VGLL3: variants seen among roughly 807,000 people sequenced by gnomAD.
VGLL3 encodes the protein vestigial like family member 3, also known as transcription cofactor vestigial-like protein 3.
Under a neutral mutation model 29.2 loss-of-function variants are expected in VGLL3, and 18 were observed. The observed-to-expected ratio is 0.62, with a 90% CI of 0.43 to 0.91. The LOEUF (loss-of-function observed/expected upper bound fraction) is 0.91. Among genes scored for constraint, VGLL3 ranks in the 40% least tolerant of loss-of-function variants. VGLL3 has a pLI of 0.00. For synonymous variants in VGLL3, 180 were observed against 151.8 expected (o/e 1.19, Z -1.36); for missense variants, 440 against 413.2 (o/e 1.06, Z -0.56).
rs1482284355 is a variant in VGLL3 at position 86,944,802 on chromosome 3, C to T, written c.*2222G>A. The T allele has an allele frequency of 6.6e-6, 1 of 152,182 alleles. No individual in the cohort carries two copies. Among genetic ancestry groups the T allele is most frequent in the Non-Finnish European group, 1.5e-5 (1 of 68,026 alleles). The allele number at this position is 152,182 out of a possible 1,614,324, so 9.4% of individuals were successfully genotyped here. ...TTTCCTCTTCATTGGGAAAATCCAA[C>T]TGAATGATCTGAATGAGTTTAACAC... is the stretch of plus-strand genomic sequence containing the variant. On this transcript the variant is annotated 3_prime_UTR_variant, in exon 4 of 4. Coordinates refer to ENST00000398399, the MANE Select transcript of VGLL3 (RefSeq NM_016206.4).
At chr3:86,962,219 T>C in intron 3 of VGLL3, 1 of 985,390 alleles carries the variant, frequency 1.0e-6, no homozygotes, top group Non-Finnish European at 1.2e-6. Flanking sequence ...ACCATACTGA[T>C]CATTTCAAGG....
rs747568996 is a variant in VGLL3 at position 86,968,837 on chromosome 3, G to T, written c.690C>A (p.His230Gln). Residue 230 changes from histidine to glutamine, a missense_variant, in exon 3 of 4, where the codon CAC (histidine) becomes CAA (glutamine). Physicochemically the swap from His to Gln is conservative, Grantham distance 24. Transcript: ENST00000398399. Reference sequence around the variant, plus strand: ...GGTGGTGCATGTGGGCATGAGGGTGGTGGTGCCGCATGTACACGTCATGCA... The same window carrying T: ...GGTGGTGCATGTGGGCATGAGGGTGTTGGTGCCGCATGTACACGTCATGCA... ...SHMHDVYMRH[H>Q]HPHAHMHHRH... 1 of 1,614,052 alleles carries T rather than the reference G, an allele frequency of 6.2e-7. No individual in the cohort carries two copies. The highest frequency in any genetic ancestry group is 1.3e-5 in the African/African-American group (1 of 74,924).
intron 1 of VGLL3, among the ~76,000 whole-genome samples, chr3:86,987,671 T>C (rs576313712): frequency 1.6e-4 from 25 of 152,268 alleles, no homozygotes; most frequent in African/African-American, 5.8e-4. Context: ...AACCCCACTG[T>C]AGGATTTATA....
At chr3:86,957,604 G>A (rs1415193823) in intron 3 of VGLL3, among the ~76,000 whole-genome samples, 1 of 152,120 alleles carries the variant, frequency 6.6e-6, no homozygotes, top group East Asian at 1.9e-4. Context: ...CTTACTCAAC[G>A]TAATGCAGCT....
In VGLL3 at chr3:86,940,582, A is replaced by G. The variant is rs1414996720; in HGVS notation, c.*6442T>C. ...AAGGAGGAAACAAAAAGAGCTTTAAATTCTCAAGAAATGCAGACCAAATCC... is the reference window on the plus strand; with the variant it reads ...AAGGAGGAAACAAAAAGAGCTTTAAGTTCTCAAGAAATGCAGACCAAATCC... On this transcript the variant is annotated 3_prime_UTR_variant, in exon 4 of 4. Coordinates refer to ENST00000398399, the MANE Select transcript of VGLL3 (RefSeq NM_016206.4). 1.3e-5 allele frequency: 2 copies of G among 152,550 alleles called. No individual in the cohort carries two copies. Among genetic ancestry groups the G allele is most frequent in the Non-Finnish European group, 2.9e-5 (2 of 67,968 alleles). The allele number at this position is 152,550 out of a possible 1,614,324, so 9.4% of individuals were successfully genotyped here.
In VGLL3 at chr3:86,945,822, TTG is replaced by T. The variant is rs1480813846; in HGVS notation, c.*1200_*1201del. ...GATTTAAACAAACAAAAAAAGAGAC[TTG>T]TTAAGTTCTGTGTTGAAACTATTAT... is the stretch of plus-strand genomic sequence containing the variant. On this transcript the variant is annotated 3_prime_UTR_variant, in exon 4 of 4. Coordinates refer to ENST00000398399, the MANE Select transcript of VGLL3 (RefSeq NM_016206.4). The T allele has an allele frequency of 6.6e-6, 1 of 152,132 alleles. No homozygotes were observed. Among genetic ancestry groups the T allele is most frequent in the African/African-American group, 2.4e-5 (1 of 41,442 alleles). 9.4% of individuals were successfully genotyped at this position (152,132 alleles called of 1,614,324 possible). A position where few individuals can be genotyped will look rare whatever the true frequency, so the allele number is the denominator to read the frequency against.
chr3:86,947,144 C>T, intron 3 of VGLL3, 77 bp from the exon 4 acceptor site: 2 of 769,300 alleles, frequency 2.6e-6, no homozygotes, highest in Non-Finnish European at 4.9e-6. Flanking sequence ...ATCTGCAATA[C>T]ATTGGATATA....
chr3:86,984,465 CAA>C (rs377671634), intron 1 of VGLL3, among the ~76,000 whole-genome samples: 33 of 152,098 alleles, frequency 2.2e-4, no homozygotes, highest in Admixed American at 2.0e-3. Flanking sequence ...TGATGATGTT[CAA>C]AAAAATGTGC....
At chr3:86,990,398 C>A (rs971264046) in intron 1 of VGLL3, 1 of 984,962 alleles carries the variant, frequency 1.0e-6, no homozygotes, top group South Asian at 4.7e-5. Context: ...GTGACCACAG[C>A]TCAATGAAGC....
chr3:86,990,563 T>C, intron 1 of VGLL3, 55 bp downstream of exon 1: 1 of 1,311,922 alleles, frequency 7.6e-7, no homozygotes, highest in South Asian at 3.1e-5. Flanking sequence ...CCCAGACCGA[T>C]ACTCTCGATG....
chr3:86,969,174 G>A, intron 2 of VGLL3, 51 bp from the exon 3 acceptor site: 2 of 1,514,164 alleles, frequency 1.3e-6, no homozygotes, highest in Non-Finnish European at 1.8e-6. Context: ...TCAGTTTTGG[G>A]ATAGACTTGC....
chr3:86,940,427 A>G lies in VGLL3; in HGVS notation c.*6597T>C, dbSNP rs1354620997. Reference sequence around the variant, plus strand: ...ACCCCATTTCATTTTCTTTTCCATTATAAACATGTATTTTATAATCTATTC... The same window carrying G: ...ACCCCATTTCATTTTCTTTTCCATTGTAAACATGTATTTTATAATCTATTC... On this transcript the variant is annotated 3_prime_UTR_variant, in exon 4 of 4. Transcript: ENST00000398399. 3 of 152,624 alleles carry G rather than the reference A, an allele frequency of 2.0e-5. No individual in the cohort carries two copies. Among genetic ancestry groups the G allele is most frequent in the African/African-American group, 7.2e-5 (3 of 41,458 alleles). The allele number at this position is 152,624 out of a possible 1,614,324, so 9.5% of individuals were successfully genotyped here.
Position 86,939,620 on chromosome 3 carries a change from TCAAAA to T in VGLL3, c.*7399_*7403del, listed in dbSNP as rs552578810. On this transcript the variant is annotated 3_prime_UTR_variant, in exon 4 of 4. Coordinates refer to ENST00000398399, the MANE Select transcript of VGLL3 (RefSeq NM_016206.4). The stretch of plus-strand genomic sequence containing the variant: ...AGCCTGACGACAGAGCAAGACTCCA[TCAAAA>T]CAAAACAAAACAAAACAAAACAAAA... 2.2e-4 allele frequency: 33 copies of T among 153,006 alleles called. No individual in the cohort carries two copies. The highest frequency in any genetic ancestry group is 2.6e-4 in the Admixed American group (4 of 15,274). 9.5% of individuals were successfully genotyped at this position (153,006 alleles called of 1,614,324 possible).
intron 2 of VGLL3, among the ~76,000 whole-genome samples, chr3:86,978,319 G>A (rs1032090761): frequency 6.6e-6 from 1 of 152,192 alleles, no homozygotes. Flanking sequence ...GGAATTTAAG[G>A]GGTGTGACTG....
intron 1 of VGLL3, among the ~76,000 whole-genome samples, chr3:86,979,819 A>T (rs73844432): frequency 1.3e-5 from 2 of 151,996 alleles, no homozygotes; most frequent in Non-Finnish European, 2.9e-5. Context: ...GATATCTAGC[A>T]TATAGATATG....
rs757218093 is a variant in VGLL3, at chr3:86,968,625, G to A, written c.902C>T (p.Thr301Ile). 1.9e-6 allele frequency: 3 copies of A among 1,614,154 alleles called. No individual in the cohort carries two copies. Among genetic ancestry groups the A allele is most frequent in the Non-Finnish European group, 8.5e-7 (1 of 1,180,048 alleles). ...TCCCACGCTGGGCACTATGTCTACT[G>A]TTCCATGAAAGGCTCCAGCCCATGC... is the stretch of plus-strand genomic sequence containing the variant. ...TSAWAGAFHG[T>I]VDIVPSVGFD... The change falls in exon 3 of 4, where the codon ACA becomes ATA. Residue 301 changes from threonine (T) to isoleucine (I), a missense_variant. Thr to Ile is a moderately conservative substitution (Grantham distance 89, BLOSUM62 -1). Coordinates refer to ENST00000398399, the MANE Select transcript of VGLL3 (RefSeq NM_016206.4).
At position 86,939,049 on chromosome 3, in the gene VGLL3, G is replaced by C. The variant is rs1469556930; in HGVS notation, c.*7975C>G. The C allele has an allele frequency of 1.3e-5, 2 of 152,140 alleles. No individual in the cohort carries two copies. The highest frequency in any genetic ancestry group is 2.9e-5 in the Non-Finnish European group (2 of 68,020). 9.4% of individuals were successfully genotyped at this position (152,140 alleles called of 1,614,324 possible). ...TACATAAGTAACACATAACCCTTTG[G>C]ATTCTGAAGCACTATAATAACTACA... On this transcript the variant is annotated 3_prime_UTR_variant, in exon 4 of 4. Coordinates refer to ENST00000398399, the MANE Select transcript of VGLL3 (RefSeq NM_016206.4).
chr3:86,981,759 G>A (rs1705329416), intron 1 of VGLL3, among the ~76,000 whole-genome samples: 1 of 152,012 alleles, frequency 6.6e-6, no homozygotes, highest in African/African-American at 2.4e-5. Context: ...GTCTACCGTT[G>A]CCACTTGCAA....
At chr3:86,969,510 G>T (rs2107021064) in intron 2 of VGLL3, among the ~76,000 whole-genome samples, 1 of 152,236 alleles carries the variant, frequency 6.6e-6, no homozygotes, top group South Asian at 2.1e-4. Context: ...CATAAATGAG[G>T]TTTGTATAAG....
Sources: gnomAD v4.1 joint callset for allele counts (sites outside exome capture counted in the v4.1 genomes callset) on GRCh38, gnomAD v4.1.1 for gene constraint, MANE v1.5 for transcripts, NCBI Gene and HGNC (gene_info 2026-07-23, HGNC 2026-07-21) for gene names.